Variants in LRRC7 observed in about 807,000 individuals in gnomAD.
LRRC7 encodes leucine rich repeat containing 7, also known as leucine-rich repeat-containing protein 7.
A neutral mutation model predicts 175.7 loss-of-function variants in LRRC7; 23 were observed. That is an observed-to-expected ratio of 0.13 (90% CI 0.09 to 0.19). The LOEUF is 0.19. LRRC7 is among the 10% of genes least tolerant of loss of function. The pLI, the probability that LRRC7 is intolerant of heterozygous loss-of-function variation, is 1.00. For synonymous variants in LRRC7, 685 were observed against 680.9 expected, an observed-to-expected ratio of 1.01 and a Z score of -0.09; for missense variants, 1,354 against 1,904.7, an observed-to-expected ratio of 0.71 and a Z score of 5.38.
chr1:69,802,439 C>G (rs1267017285), intron 4 of LRRC7, among the ~76,000 whole-genome samples: 2 of 151,292 alleles, frequency 1.3e-5, no homozygotes, highest in African/African-American at 4.8e-5. Flanking sequence ...ACATCTTCTT[C>G]TATAATTGAT....
chr1:70,021,806 T>C (rs1019175713), intron 16 of LRRC7, among the ~76,000 whole-genome samples: 1 of 152,214 alleles, frequency 6.6e-6, no homozygotes, highest in East Asian at 1.9e-4. Context: ...TTTTTAATTA[T>C]CATCAGAATT....
rs372552896 is a variant in LRRC7 at position 69,781,738 on chromosome 1, AG to A, written c.304-10304del. On this transcript the variant is annotated intron_variant, in intron 3 of 26. Coordinates refer to ENST00000651989, the MANE Select transcript of LRRC7 (RefSeq NM_001370785.2). ...AAGAAAGAAAGAAAGAAAGAAAGAG[AG>A]AGAGAGAGAGAGAGAGAGAGAGAGA... Among the ~76,000 whole-genome samples, 126 of 44,554 alleles carry A rather than the reference AG, an allele frequency of 2.8e-3. 2 individuals carry two copies. Among genetic ancestry groups the A allele is most frequent in the African/African-American group, 5.9e-3 (42 of 7,128 alleles). The allele number at this position is 44,554 out of a possible 152,430, so 29.2% of individuals were successfully genotyped here. A position where few individuals can be genotyped will look rare whatever the true frequency, so the allele number is the denominator to read the frequency against.
chr1:70,005,120 A>C (rs1187399801), intron 11 of LRRC7, among the ~76,000 whole-genome samples: 2 of 151,594 alleles, frequency 1.3e-5, no homozygotes, highest in Non-Finnish European at 2.9e-5. Context: ...GCATATATTT[A>C]CTCTTCATTG....
chr1:69,660,797 A>C (rs960980371), intron 1 of LRRC7, among the ~76,000 whole-genome samples: 3 of 152,066 alleles, frequency 2.0e-5, no homozygotes, highest in African/African-American at 7.2e-5. Flanking sequence ...TGTGTGAAAT[A>C]GGAAGTCCTT....
At chr1:70,048,906 G>C (rs773471592) in intron 22 of LRRC7, among the ~76,000 whole-genome samples, 1 of 152,188 alleles carries the variant, frequency 6.6e-6, no homozygotes, top group Non-Finnish European at 1.5e-5. Flanking sequence ...ACACAAGCAG[G>C]GCTGGGGAGA....
intron 1 of LRRC7, among the ~76,000 whole-genome samples, chr1:69,583,914 A>G (rs1267019875): frequency 1.3e-5 from 2 of 152,098 alleles, no homozygotes; most frequent in African/African-American, 4.8e-5. Context: ...CAAGACAGAA[A>G]GGTATTTGGG....
chr1:69,580,306 A>G (rs1049679105), intron 1 of LRRC7, among the ~76,000 whole-genome samples: 9 of 152,176 alleles, frequency 5.9e-5, no homozygotes, highest in African/African-American at 1.7e-4. Context: ...ATTAAAATAT[A>G]TTACATTTTA....
intron 7 of LRRC7, among the ~76,000 whole-genome samples, chr1:69,880,165 A>T (rs942620275): frequency 6.6e-6 from 1 of 152,166 alleles, no homozygotes; most frequent in Non-Finnish European, 1.5e-5. Context: ...GGAGATTTTT[A>T]TATTTTTCCT....
rs1041457939 is a variant in LRRC7 at position 69,909,056 on chromosome 1, G to C, written c.648-22451G>C. On this transcript the variant is annotated intron_variant, in intron 7 of 26. Coordinates refer to ENST00000651989, the MANE Select transcript of LRRC7 (RefSeq NM_001370785.2). The stretch of plus-strand genomic sequence containing the variant: ...TCTTTGTCTCTTTTGATCTTTGTTG[G>C]TTTAAAGTCTGTTTTATCAGAGACT... Among the ~76,000 whole-genome samples the C allele has an allele frequency of 1.2e-3, 176 of 151,492 alleles. 1 individual carries two copies. The highest frequency in any genetic ancestry group is 4.1e-3 in the African/African-American group (171 of 41,254).
intron 5 of LRRC7, among the ~76,000 whole-genome samples, chr1:69,830,922 G>A (rs1680458662): frequency 6.6e-6 from 1 of 151,752 alleles, no homozygotes; most frequent in African/African-American, 2.4e-5. Context: ...ACTGGAACCT[G>A]AAAAAATGTG....
intron 3 of LRRC7, among the ~76,000 whole-genome samples, chr1:69,766,722 CT>C (rs2100969577): frequency 6.6e-6 from 1 of 152,210 alleles, no homozygotes; most frequent in East Asian, 1.9e-4. Flanking sequence ...CATTCTCTTT[CT>C]TTTGCTAAGT....
At chr1:69,798,835 C>T (rs1355602742) in intron 4 of LRRC7, among the ~76,000 whole-genome samples, 2 of 152,098 alleles carry the variant, frequency 1.3e-5, no homozygotes, top group African/African-American at 4.8e-5. Context: ...CAGAAAATTA[C>T]CAATGTCCCC....
At chr1:69,754,253 A>G (rs1340769) in intron 2 of LRRC7, among the ~76,000 whole-genome samples, 68,637 of 151,968 alleles carry the variant, frequency 0.45, 16,428 homozygotes, top group East Asian at 0.57. Flanking sequence ...ATCTAGCTAC[A>G]CTGTGGAGTG....
chr1:70,134,282 C>G lies in LRRC7; in HGVS notation c.*12395C>G, dbSNP rs1051059633. Among the ~76,000 whole-genome samples, 1 of 152,204 alleles carries G rather than the reference C, an allele frequency of 6.6e-6. No individual in the cohort carries two copies. ...ATATCTGGGTGCTGAAGGCAGAGAA[C>G]CCCTGGCGGCCTTGGTGACATGTGT... is the stretch of plus-strand genomic sequence containing the variant. On this transcript the variant is annotated 3_prime_UTR_variant, in exon 27 of 27. Coordinates refer to ENST00000651989, the MANE Select transcript of LRRC7 (RefSeq NM_001370785.2).
At chr1:69,879,753 G>T (rs1472353835) in intron 7 of LRRC7, 1 of 152,380 alleles carries the variant, frequency 6.6e-6, no homozygotes, top group Non-Finnish European at 1.5e-5. Context: ...GGACCACTCG[G>T]TTTTCTAAGG....
At chr1:69,617,106 C>T (rs1017513102) in intron 1 of LRRC7, among the ~76,000 whole-genome samples, 3 of 152,030 alleles carry the variant, frequency 2.0e-5, no homozygotes, top group African/African-American at 4.8e-5. Flanking sequence ...ATTTCTAATC[C>T]GTAACATGGC....
intron 7 of LRRC7, among the ~76,000 whole-genome samples, chr1:69,926,644 T>G (rs1232580834): frequency 1.3e-5 from 2 of 151,716 alleles, no homozygotes; most frequent in Admixed American, 6.6e-5. Flanking sequence ...TGCCTTTTTT[T>G]GTTTCCATTT....
chr1:69,711,346 T>C (rs1250235795), intron 2 of LRRC7, among the ~76,000 whole-genome samples: 2 of 152,190 alleles, frequency 1.3e-5, no homozygotes, highest in African/African-American at 4.8e-5. Flanking sequence ...TAGCACATTG[T>C]TGGCACTAAA....
rs1413920585 is a variant in LRRC7 at position 69,831,357 on chromosome 1, A to G, written c.501-3423A>G. On this transcript the variant is annotated intron_variant, in intron 5 of 26. Coordinates refer to ENST00000651989, the MANE Select transcript of LRRC7 (RefSeq NM_001370785.2). ...GTGCCATTCTCATAACAACTGTCAT[A>G]CTATCAGGACATGAGCTCTAATGCA... Among the ~76,000 whole-genome samples the G allele has an allele frequency of 2.0e-5, 3 of 152,066 alleles. 1 individual carries two copies. Among genetic ancestry groups the G allele is most frequent in the Non-Finnish European group, 4.4e-5 (3 of 67,950 alleles).
Sources: allele counts gnomAD v4.1 joint callset (sites outside exome capture counted in the v4.1 genomes callset), GRCh38; gene constraint gnomAD v4.1.1; transcripts MANE v1.5; gene names NCBI Gene and HGNC (gene_info 2026-07-23, HGNC 2026-07-21).